The following ZBTB40 variants were observed in gnomAD, a reference collection of about 807,000 sequenced individuals.
ZBTB40 encodes the protein zinc finger and BTB domain containing 40, also known as zinc finger and BTB domain-containing protein 40.
In ZBTB40, 60 loss-of-function variants were observed where a neutral mutation model predicts 117.5. That is an observed-to-expected ratio of 0.51 (90% CI 0.41 to 0.63). The LOEUF (loss-of-function observed/expected upper bound fraction) is 0.63. ZBTB40 is among the 30% of genes least tolerant of loss of function. The pLI, the probability that ZBTB40 is intolerant of heterozygous loss-of-function variation, is 0.00. For missense variants in ZBTB40, 1,287 were observed against 1,498.5 expected, an observed-to-expected ratio of 0.86 and a Z score of 2.33; for synonymous variants, 525 against 577.1, an observed-to-expected ratio of 0.91 and a Z score of 1.29.
chr1:22,457,417 A>G lies in ZBTB40; in HGVS notation c.-70+5413A>G, dbSNP rs565546794. On this transcript the variant is annotated intron_variant, in intron 1 of 17. Coordinates refer to ENST00000375647, the MANE Select transcript of ZBTB40 (RefSeq NM_014870.4). Reference sequence around the variant, plus strand: ...GATATTCTGTAAAACTGGGACCTCAATAGAAAACTCCTATAGGCCAGAGTT... The same window carrying G: ...GATATTCTGTAAAACTGGGACCTCAGTAGAAAACTCCTATAGGCCAGAGTT... Among the ~76,000 whole-genome samples the G allele has an allele frequency of 6.8e-4, 104 of 152,236 alleles. 1 individual carries two copies. Among genetic ancestry groups the G allele is most frequent in the Admixed American group, 1.4e-3 (22 of 15,288 alleles).
At chr1:22,454,825 C>G (rs527327995) in intron 1 of ZBTB40, among the ~76,000 whole-genome samples, 1 of 152,342 alleles carries the variant, frequency 6.6e-6, no homozygotes, top group East Asian at 1.9e-4. Flanking sequence ...GTATTCATAG[C>G]TATGGTATTT....
At chr1:22,452,191 C>T (rs991685497) in intron 1 of ZBTB40, among the ~76,000 whole-genome samples, 187 bp downstream of exon 1, 4 of 152,140 alleles carry the variant, frequency 2.6e-5, no homozygotes, top group East Asian at 1.9e-4. Context: ...GCACCCCTGG[C>T]GCCGGCTCTG....
At chr1:22,429,224 T>C (rs1459516370) in intron 1 of ZBTB40, among the ~76,000 whole-genome samples, 1 of 151,778 alleles carries the variant, frequency 6.6e-6, no homozygotes, top group Non-Finnish European at 1.5e-5. Flanking sequence ...CCACTAAAAA[T>C]ACAAAAAATT....
At position 22,490,400 on chromosome 1, in the gene ZBTB40, C is replaced by A. The variant is rs369096143; in HGVS notation, c.452C>A (p.Ser151Tyr). The A allele has an allele frequency of 3.7e-5, 60 of 1,613,180 alleles. No homozygotes were observed. Among genetic ancestry groups the A allele is most frequent in the Non-Finnish European group, 4.7e-5 (55 of 1,179,400 alleles). Reference sequence around the variant, plus strand: ...AAGCCTCAAGTAGAAATCCTTTCATCTGAAGGTGCTGGAGAGCCTCATTCT... The same window carrying A: ...AAGCCTCAAGTAGAAATCCTTTCATATGAAGGTGCTGGAGAGCCTCATTCT... Reference protein sequence around the residue: ...PEKPQVEILSSEGAGEPHSSP... With the variant: ...PEKPQVEILSYEGAGEPHSSP... The change falls in exon 2 of 18, where the codon TCT (serine) becomes TAT (tyrosine). Residue 151 changes from serine (S) to tyrosine (Y), a missense_variant. Ser to Tyr is a moderately radical substitution (Grantham distance 144, BLOSUM62 -2). This residue lies in a region of ZBTB40 where 870 missense variants were observed against 934.4 expected (regional missense o/e 0.93). Coordinates refer to ENST00000375647, the MANE Select transcript of ZBTB40 (RefSeq NM_014870.4).
rs2124479017 is a variant in ZBTB40 at position 22,526,512 on chromosome 1, C to A, written c.*116C>A. On this transcript the variant is annotated 3_prime_UTR_variant, in exon 18 of 18. Transcript: ENST00000375647. ...AGTGGTGAGCATCTTAGCTTAGCAC[C>A]AACCAACACAGTCTCACCTAGAAAA... is the stretch of plus-strand genomic sequence containing the variant. The A allele has an allele frequency of 2.3e-6, 3 of 1,302,608 alleles. No individual in the cohort carries two copies. The highest frequency in any genetic ancestry group is 3.3e-6 in the Non-Finnish European group (3 of 917,576). 80.7% of individuals were successfully genotyped at this position (1,302,608 alleles called of 1,614,324 possible).
chr1:22,511,480 C>A, intron 10 of ZBTB40, 133 bp downstream of exon 10: 1 of 1,342,508 alleles, frequency 7.4e-7, no homozygotes, highest in Admixed American at 2.3e-5. Context: ...CTCTGAATAC[C>A]TAAAAAAGTC....
rs532938352 is a variant in ZBTB40, at chr1:22,527,938, C to T, written c.*1542C>T. On this transcript the variant is annotated 3_prime_UTR_variant, in exon 18 of 18. Coordinates refer to ENST00000375647, the MANE Select transcript of ZBTB40 (RefSeq NM_014870.4). ...TCCGGCCAGCCTGGGACAGCTCATC[C>T]CAGCCGACTACACCTGCTTCTGGTC... The T allele has an allele frequency of 1.3e-5, 2 of 152,596 alleles. No individual in the cohort carries two copies. Among genetic ancestry groups the T allele is most frequent in the African/African-American group, 4.8e-5 (2 of 41,564 alleles). 9.5% of individuals were successfully genotyped at this position (152,596 alleles called of 1,614,324 possible). A position where few individuals can be genotyped will look rare whatever the true frequency, so the allele number is the denominator to read the frequency against.
At chr1:22,472,838 G>C (rs1238776395) in intron 1 of ZBTB40, among the ~76,000 whole-genome samples, 1 of 152,198 alleles carries the variant, frequency 6.6e-6, no homozygotes, top group Admixed American at 6.5e-5. Context: ...TACTTTGGCA[G>C]CAACTGGCTA....
intron 3 of ZBTB40, among the ~76,000 whole-genome samples, chr1:22,492,902 G>C (rs1638671935): frequency 1.3e-5 from 2 of 152,136 alleles, no homozygotes; most frequent in Admixed American, 6.5e-5. Flanking sequence ...TTTGTCATTA[G>C]TTTGTTACCT....
At chr1:22,441,532 C>A (rs1173804344) in intron 1 of ZBTB40, among the ~76,000 whole-genome samples, 1 of 120,248 alleles carries the variant, frequency 8.3e-6, no homozygotes, top group African/African-American at 3.1e-5. Context: ...GGTTGGAGTG[C>A]AGTGCAGTGG....
rs1639804914 is a variant in ZBTB40, at chr1:22,530,636, A to G, written c.*4240A>G. ...TGCTGTATAAATTGGATTACAAACC[A>G]TATTCTTGTTCAGCTTGCACTAATC... On this transcript the variant is annotated 3_prime_UTR_variant, in exon 18 of 18. Coordinates refer to ENST00000375647, the MANE Select transcript of ZBTB40 (RefSeq NM_014870.4). The G allele has an allele frequency of 6.6e-6, 1 of 152,352 alleles. No homozygotes were observed. Among genetic ancestry groups the G allele is most frequent in the Non-Finnish European group, 1.5e-5 (1 of 68,042 alleles). The allele number at this position is 152,352 out of a possible 1,614,324, so 9.4% of individuals were successfully genotyped here. A position where few individuals can be genotyped will look rare whatever the true frequency, so the allele number is the denominator to read the frequency against.
At chr1:22,489,845 GAA>G in intron 1 of ZBTB40, 33 bp from the exon 2 acceptor site, 1 of 1,081,838 alleles carries the variant, frequency 9.2e-7, no homozygotes, top group Middle Eastern at 2.9e-4. Context: ...ATGGTTTTTT[GAA>G]GTTTTAACCT....
intron 1 of ZBTB40, among the ~76,000 whole-genome samples, chr1:22,431,983 A>G (rs1169026479): frequency 0.04 from 5 of 124 alleles, no homozygotes; most frequent in East Asian, 0.31. Flanking sequence ...TTTTCAGCTA[A>G]AAAAAAAAAT....
chr1:22,442,646 C>T (rs182627997), intron 1 of ZBTB40, among the ~76,000 whole-genome samples: 12 of 152,326 alleles, frequency 7.9e-5, no homozygotes, highest in African/African-American at 2.9e-4. Context: ...GTAAGCAAGT[C>T]TGGTGACCTT....
intron 5 of ZBTB40, among the ~76,000 whole-genome samples, chr1:22,503,058 ACATG>A (rs1638985421): frequency 1.3e-5 from 2 of 151,650 alleles, no homozygotes; most frequent in African/African-American, 4.8e-5. Context: ...ATATCTTAAT[ACATG>A]TCTATACCTA....
At chr1:22,518,684 T>C (rs1251353709) in intron 13 of ZBTB40, among the ~76,000 whole-genome samples, 4 of 152,192 alleles carry the variant, frequency 2.6e-5, no homozygotes, top group African/African-American at 9.7e-5. Context: ...GCCCAGCATG[T>C]GGCTAGACAT....
chr1:22,445,849 C>T (rs557475315), intron 1 of ZBTB40, among the ~76,000 whole-genome samples: 1,259 of 79,182 alleles, frequency 0.016, 11 homozygotes, highest in African/African-American at 0.051. Flanking sequence ...CGCAAGACTC[C>T]GTCTCAAAAA....
Position 22,490,593 on chromosome 1 carries a change from C to G in ZBTB40, c.645C>G (p.Pro215=), listed in dbSNP as rs1295758532. 2.5e-6 allele frequency: 4 copies of G among 1,614,082 alleles called. No homozygotes were observed. Among genetic ancestry groups the G allele is most frequent in the Non-Finnish European group, 3.4e-6 (4 of 1,180,030 alleles). The change falls in exon 2 of 18, where the codon CCC becomes CCG. Residue 215 remains proline, a synonymous_variant. Coordinates refer to ENST00000375647, the MANE Select transcript of ZBTB40 (RefSeq NM_014870.4). ...CTACTACAGCTGAAGCTTGTTCCCC[C>G]TCCCCTGCTGTGCAAACCTTTAGTG... is the stretch of plus-strand genomic sequence containing the variant. ...ETPTTAEACS[P]SPAVQTFSEA... is the part of the protein sequence containing the mutation.
intron 14 of ZBTB40, among the ~76,000 whole-genome samples, chr1:22,520,726 G>A (rs1557524639): frequency 1.3e-5 from 2 of 152,332 alleles, no homozygotes; most frequent in Middle Eastern, 3.4e-3. Flanking sequence ...TGTAATTAAA[G>A]TGAAGCCCCA....
Sources: allele counts gnomAD v4.1 joint callset (sites outside exome capture counted in the v4.1 genomes callset), GRCh38; gene constraint gnomAD v4.1.1; regional missense constraint gnomAD v4.1.1; transcripts MANE v1.5; gene names NCBI Gene and HGNC (gene_info 2026-07-23, HGNC 2026-07-21).